Variants in TDP1 observed in about 807,000 individuals in gnomAD.
TDP1 encodes tyrosyl-DNA phosphodiesterase 1.
TDP1 carries 64 observed loss-of-function variants against 81.5 expected under a neutral mutation model. That is an observed-to-expected ratio of 0.79 (90% CI 0.64 to 0.97). The LOEUF (loss-of-function observed/expected upper bound fraction) is 0.97. Among genes scored for constraint, TDP1 ranks in the 50% least tolerant of loss-of-function variants. The pLI is 0.00. For synonymous variants in TDP1, 256 were observed against 264.3 expected (o/e 0.97, Z 0.30); for missense variants, 723 against 743.8 (o/e 0.97, Z 0.33).
intron 7 of TDP1, among the ~76,000 whole-genome samples, chr14:89,977,755 G>A (rs1213564149): frequency 6.6e-6 from 1 of 152,220 alleles, no homozygotes; most frequent in African/African-American, 2.4e-5. Context: ...CATAGTGATG[G>A]AGGGTAAACT....
At chr14:90,039,706 A>AT (rs1652584760) in intron 16 of TDP1, among the ~76,000 whole-genome samples, 2 of 152,208 alleles carry the variant, frequency 1.3e-5, no homozygotes, top group South Asian at 4.1e-4. Context: ...TAAGACCTAC[A>AT]TAGTACATAG....
intron 6 of TDP1, 180 bp from the exon 7 acceptor site, chr14:89,975,601 T>TTA: frequency 4.1e-6 from 2 of 492,178 alleles, no homozygotes; most frequent in Non-Finnish European, 2.6e-6. Flanking sequence ...TTTTTTTTTT[T>TTA]AATGAGCGTC....
At chr14:89,994,525 G>T (rs1384254365) in intron 14 of TDP1, among the ~76,000 whole-genome samples, 1 of 152,232 alleles carries the variant, frequency 6.6e-6, no homozygotes, top group African/African-American at 2.4e-5. Flanking sequence ...AGGGCATTAA[G>T]GGAAGTGGAG....
At chr14:89,962,882 AAAG>A in intron 2 of TDP1, 1 of 984,656 alleles carries the variant, frequency 1.0e-6, no homozygotes, top group African/African-American at 1.7e-5. Flanking sequence ...TCAAAAAAAA[AAAG>A]GAAGAAAAAA....
chr14:89,962,142 A>G (rs936688689), intron 2 of TDP1, among the ~76,000 whole-genome samples: 4 of 152,156 alleles, frequency 2.6e-5, no homozygotes, highest in African/African-American at 9.7e-5. Flanking sequence ...CTTCAGTACA[A>G]GTTATTTCTG....
chr14:89,970,308 C>T (rs35320469), intron 5 of TDP1, among the ~76,000 whole-genome samples: 14,483 of 152,114 alleles, frequency 0.095, 1,773 homozygotes, highest in African/African-American at 0.28. Context: ...GCATTTTCAA[C>T]GTAGCTTGGG....
rs866604109 is a variant in TDP1 at position 89,989,740 on chromosome 14, G to A, written c.1341G>A (p.Val447=). The change falls in exon 12 of 17, where the codon GTG becomes GTA. Residue 447 remains valine (V), a synonymous_variant. Transcript: ENST00000335725. ...AGATCTATCCTTCTGTGGAAAATGT[G>A]CGGACCAGTTTAGAAGGATATCCTG... The part of the protein sequence containing the change: ...LYLIYPSVEN[V]RTSLEGYPAG... The A allele has an allele frequency of 1.2e-5, 20 of 1,611,584 alleles. No homozygotes were observed. In the Middle Eastern group the frequency reaches 3.1e-3, roughly 253 times the overall value.
chr14:90,003,166 G>A (rs1311365198), intron 14 of TDP1, among the ~76,000 whole-genome samples: 1 of 152,146 alleles, frequency 6.6e-6, no homozygotes, highest in Non-Finnish European at 1.5e-5. Flanking sequence ...TCGAACTCCT[G>A]ACCTTGTGAT....
chr14:89,985,046 T>G, intron 9 of TDP1, 86 bp from the exon 10 acceptor site: 2 of 1,315,566 alleles, frequency 1.5e-6, no homozygotes, highest in Non-Finnish European at 2.1e-6. Flanking sequence ...CTTGATTATA[T>G]TAGTTTTCAT....
rs1394066581 is a variant in TDP1 at position 89,984,590 on chromosome 14, A to C, written c.959A>C (p.Lys320Thr). 2 of 1,614,138 alleles carry C rather than the reference A, an allele frequency of 1.2e-6. No homozygotes were observed. Among genetic ancestry groups the C allele is most frequent in the East Asian group, 2.2e-5 (1 of 44,882 alleles). Reference sequence around the variant, plus strand: ...TCTGGAGAGTCGCCAACACATTTTAAAGCTGATCTCATCAGTTACTTGATG... The same window carrying C: ...TCTGGAGAGTCGCCAACACATTTTACAGCTGATCTCATCAGTTACTTGATG... ...HKSGESPTHF[K>T]ADLISYLMAY... Residue 320 changes from lysine to threonine, a missense_variant, in exon 9 of 17, where the codon AAA (lysine) becomes ACA (threonine). Transcript: ENST00000335725.
At chr14:89,960,951 C>T (rs1892257218) in intron 2 of TDP1, among the ~76,000 whole-genome samples, 1 of 152,178 alleles carries the variant, frequency 6.6e-6, no homozygotes, top group African/African-American at 2.4e-5. Flanking sequence ...AGGGCTACAG[C>T]CTGCAGTGTG....
At position 90,043,231 on chromosome 14, in the gene TDP1, A is replaced by G. The variant is rs188926685; in HGVS notation, c.*88A>G. 7 of 1,535,200 alleles carry G rather than the reference A, an allele frequency of 4.6e-6. No homozygotes were observed. The Admixed American group carries it at 5.3e-5, about 12-fold the overall frequency. On this transcript the variant is annotated 3_prime_UTR_variant, in exon 17 of 17. Coordinates refer to ENST00000335725, the MANE Select transcript of TDP1 (RefSeq NM_018319.4). ...TTTGTACTGGATGTCCACTTCCCTT[A>G]AAGTCTTATTTGCACCCTTACAAAA...
In TDP1 at chr14:90,019,505, C is replaced by A; in HGVS notation, c.1644+87C>A. The A allele has an allele frequency of 3.8e-6, 3 of 779,654 alleles. No homozygotes were observed. The South Asian group carries it at 4.3e-5, about 11-fold the overall frequency. 48.3% of individuals were successfully genotyped at this position (779,654 alleles called of 1,614,324 possible). On this transcript the variant is annotated intron_variant, in intron 15 of 16. Transcript: ENST00000335725. ...TCTTCCTTTAGTCACAACAGCTTGC[C>A]TAAGGTAGGCAGGAAACAGTCGGGA...
intron 14 of TDP1, among the ~76,000 whole-genome samples, chr14:89,999,012 A>C (rs1896966710): frequency 6.6e-6 from 1 of 152,136 alleles, no homozygotes; most frequent in African/African-American, 2.4e-5. Context: ...TTGTTCCATG[A>C]GATTTTCTAG....
chr14:90,037,106 C>A (rs1350139651), intron 16 of TDP1, among the ~76,000 whole-genome samples: 15 of 152,216 alleles, frequency 9.9e-5, no homozygotes, highest in Admixed American at 1.3e-4. Context: ...GCCACCACAC[C>A]TGGCCCAAAG....
At chr14:89,989,497 A>G in intron 11 of TDP1, 1 of 892,784 alleles carries the variant, frequency 1.1e-6, no homozygotes, top group South Asian at 5.2e-5. Flanking sequence ...TTTCAAAGGA[A>G]AAAATACTCC....
In TDP1 at chr14:90,040,065, G is replaced by A. The variant is rs559159079; in HGVS notation, c.1754-3005G>A. On this transcript the variant is annotated intron_variant, in intron 16 of 16. Coordinates refer to ENST00000335725, the MANE Select transcript of TDP1 (RefSeq NM_018319.4). Reference sequence around the variant, plus strand: ...TGACCACAGGGAGAGATGGGACAGAGACTCTGTATATAAAGAGATCAAAAC... The same window carrying A: ...TGACCACAGGGAGAGATGGGACAGAAACTCTGTATATAAAGAGATCAAAAC... Among the ~76,000 whole-genome samples the A allele has an allele frequency of 7.2e-5, 11 of 152,284 alleles. 1 individual carries two copies. The highest frequency in any genetic ancestry group is 2.6e-4 in the African/African-American group (11 of 41,552).
intron 8 of TDP1, chr14:89,981,465 A>G (rs1219465946): frequency 6.6e-6 from 3 of 454,746 alleles, no homozygotes; most frequent in Non-Finnish European, 1.3e-5. Flanking sequence ...TGTTTAAGCC[A>G]TTTTGTACAT....
Position 90,043,312 on chromosome 14 carries a change from A to G in TDP1, c.*169A>G, listed in dbSNP as rs1888546489. On this transcript the variant is annotated 3_prime_UTR_variant, in exon 17 of 17. Transcript: ENST00000335725. ...GTTGGTTATACTTTTAATGGACATTAACATTCCTAATAAAGTATTAGTTTC... is the reference window on the plus strand; with the variant it reads ...GTTGGTTATACTTTTAATGGACATTGACATTCCTAATAAAGTATTAGTTTC... The G allele has an allele frequency of 1.6e-5, 12 of 732,156 alleles. No homozygotes were observed. The South Asian group carries it at 1.7e-4, about 10-fold the overall frequency. 45.4% of individuals were successfully genotyped at this position (732,156 alleles called of 1,614,324 possible). A position where few individuals can be genotyped will look rare whatever the true frequency, so the allele number is the denominator to read the frequency against.
Sources: gnomAD v4.1 joint callset for allele counts (sites outside exome capture counted in the v4.1 genomes callset) on GRCh38, gnomAD v4.1.1 for gene constraint, MANE v1.5 for transcripts, NCBI Gene and HGNC (gene_info 2026-07-23, HGNC 2026-07-21) for gene names.